Variants in ULK4 observed in about 807,000 individuals in gnomAD.
ULK4 encodes the protein inactive serine/threonine-protein kinase ULK4.
In ULK4, 133 loss-of-function variants were observed where a neutral mutation model predicts 160.6. The observed-to-expected ratio is 0.83, with a 90% confidence interval of 0.72 to 0.96. The LOEUF (loss-of-function observed/expected upper bound fraction) is 0.96, where lower values mean the gene tolerates loss of function less well. Ranked by LOEUF, ULK4 falls within the 40% of genes least tolerant of loss-of-function variation. The pLI, the probability that ULK4 is intolerant of heterozygous loss-of-function variation, is 0.00. For synonymous variants in ULK4, 534 were observed against 539.8 expected (o/e 0.99, Z 0.15); for missense variants, 1,580 against 1,499.5 (o/e 1.05, Z -0.89).
chr3:41,278,739 A>C (rs914323267), intron 35 of ULK4, among the ~76,000 whole-genome samples: 24 of 152,192 alleles, frequency 1.6e-4, no homozygotes, highest in South Asian at 4.1e-4. Context: ...AAACAGAAAA[A>C]AATAGCATCA....
chr3:41,911,308 T>G lies in ULK4; in HGVS notation c.1085+9A>C. 1 of 1,613,022 alleles carries G rather than the reference T, an allele frequency of 6.2e-7. No homozygotes were observed. The highest frequency in any genetic ancestry group is 8.5e-7 in the Non-Finnish European group (1 of 1,179,722). ...CTTGCACTGATCCCTCTTTTTTCATTTTACCTACCTGAGAAGAAACATGGA... is the reference window on the plus strand; with the variant it reads ...CTTGCACTGATCCCTCTTTTTTCATGTTACCTACCTGAGAAGAAACATGGA... On this transcript the variant is annotated intron_variant, in intron 11 of 36. Coordinates refer to ENST00000301831, the MANE Select transcript of ULK4 (RefSeq NM_017886.4).
chr3:41,534,796 A>G (rs2086440719), intron 32 of ULK4, among the ~76,000 whole-genome samples: 2 of 152,176 alleles, frequency 1.3e-5, no homozygotes, highest in Admixed American at 6.5e-5. Flanking sequence ...CTTACACTCA[A>G]TGCAAGTGCT....
At chr3:41,265,350 G>C (rs1336001731) in intron 35 of ULK4, among the ~76,000 whole-genome samples, 2 of 152,366 alleles carry the variant, frequency 1.3e-5, no homozygotes, top group African/African-American at 4.8e-5. Context: ...GCCAGGCGGA[G>C]TGCAGCTGGG....
intron 17 of ULK4, among the ~76,000 whole-genome samples, chr3:41,856,515 ATATATATATATATATATG>A (rs2042340443): frequency 3.8e-5 from 4 of 106,168 alleles, no homozygotes; most frequent in Non-Finnish European, 6.5e-5. Flanking sequence ...ATAAATAAAT[ATATATATATATATATATG>A]TATGTATATA....
chr3:41,464,198 T>C (rs1472866668), intron 32 of ULK4, among the ~76,000 whole-genome samples: 1 of 152,174 alleles, frequency 6.6e-6, no homozygotes, highest in Admixed American at 6.6e-5. Context: ...TGGCACCTCT[T>C]CTATACAGTG....
rs550588607 is a variant in ULK4 at position 41,406,355 on chromosome 3, G to A, written c.3493-8091C>T. ...TCTGTTTCTCTAACAGTACCATGCT[G>A]TTTTGGTTACTGTAATGTTATAGTA... On this transcript the variant is annotated intron_variant, in intron 34 of 36. Transcript: ENST00000301831. 4.6e-5 allele frequency among the ~76,000 whole-genome samples: 7 copies of A among 152,318 alleles called. No homozygotes were observed. The South Asian group carries it at 1.4e-3, about 32-fold the overall frequency.
At chr3:41,817,568 A>G (rs2041012722) in intron 19 of ULK4, among the ~76,000 whole-genome samples, 1 of 152,160 alleles carries the variant, frequency 6.6e-6, no homozygotes, top group Non-Finnish European at 1.5e-5. Context: ...GAGAACTAAC[A>G]TTGGGTACAC....
chr3:41,285,506 T>C (rs773766293), intron 35 of ULK4, among the ~76,000 whole-genome samples: 1 of 152,114 alleles, frequency 6.6e-6, no homozygotes, highest in Non-Finnish European at 1.5e-5. Flanking sequence ...AACCAAACAT[T>C]GTATATTCTC....
At chr3:41,782,474 A>T (rs1158891218) in intron 21 of ULK4, among the ~76,000 whole-genome samples, 1 of 152,188 alleles carries the variant, frequency 6.6e-6, no homozygotes, top group African/African-American at 2.4e-5. Flanking sequence ...AAAGACGGAG[A>T]TGATTAAAAA....
At chr3:41,922,492 A>C (rs540110711) in intron 5 of ULK4, among the ~76,000 whole-genome samples, 1 of 152,196 alleles carries the variant, frequency 6.6e-6, no homozygotes, top group African/African-American at 2.4e-5. Flanking sequence ...TATGGAAGGA[A>C]AGAGAAAGAA....
Position 41,681,393 on chromosome 3 carries a change from T to C in ULK4, c.2978+115A>G, listed in dbSNP as rs996445623. ...TTTTTTTATAATGAGTACACAAGCA[T>C]ATGTGTATAAACATAAGGACATCAA... is the stretch of plus-strand genomic sequence containing the variant. On this transcript the variant is annotated intron_variant, in intron 29 of 36. Transcript: ENST00000301831. The C allele has an allele frequency of 5.8e-6, 8 of 1,382,314 alleles. No individual in the cohort carries two copies. The African/African-American group carries it at 1.0e-4, about 18-fold the overall frequency. The allele number at this position is 1,382,314 out of a possible 1,614,324, so 85.6% of individuals were successfully genotyped here. A position where few individuals can be genotyped will look rare whatever the true frequency, so the allele number is the denominator to read the frequency against.
intron 35 of ULK4, among the ~76,000 whole-genome samples, chr3:41,336,327 TATAAGGAAACGTATCTGAAA>T (rs2080554486): frequency 6.6e-6 from 1 of 152,168 alleles, no homozygotes; most frequent in Admixed American, 6.5e-5. Context: ...GTTTAAAGCT[TATAAGGAAACGTATCTGAAA>T]ATGATGGAGG....
chr3:41,912,054 A>G (rs980764607), intron 9 of ULK4, among the ~76,000 whole-genome samples: 10 of 151,692 alleles, frequency 6.6e-5, no homozygotes, highest in Admixed American at 1.3e-4. Flanking sequence ...CAGACCAGGC[A>G]TGGTGGCTCA....
At chr3:41,865,137 T>C (rs993871757) in intron 17 of ULK4, among the ~76,000 whole-genome samples, 1 of 151,848 alleles carries the variant, frequency 6.6e-6, no homozygotes, top group Non-Finnish European at 1.5e-5. Flanking sequence ...CCAGATGTGG[T>C]GGCACATTCC....
rs1343443835 is a variant in ULK4 at position 41,706,576 on chromosome 3, C to T, written c.2635-1271G>A. 2.0e-5 allele frequency among the ~76,000 whole-genome samples: 3 copies of T among 150,800 alleles called. No homozygotes were observed. The East Asian group carries it at 5.8e-4, about 29-fold the overall frequency. On this transcript the variant is annotated intron_variant, in intron 25 of 36. Coordinates refer to ENST00000301831, the MANE Select transcript of ULK4 (RefSeq NM_017886.4). ...AGCGCAGTGGCTCACACCTGTAATC[C>T]CAGCACTTTGGGAGGCCAAGGCGGG...
chr3:41,326,143 G>T (rs541530156), intron 35 of ULK4, among the ~76,000 whole-genome samples: 42 of 152,066 alleles, frequency 2.8e-4, no homozygotes, highest in African/African-American at 5.1e-4. Flanking sequence ...GGCAGGGGGG[G>T]GCTCCCCAAG....
At position 41,793,789 on chromosome 3, in the gene ULK4, T is replaced by C. The variant is rs117232890; in HGVS notation, c.2011-3946A>G. Among the ~76,000 whole-genome samples, 29 of 152,312 alleles carry C rather than the reference T, an allele frequency of 1.9e-4. No individual in the cohort carries two copies. The East Asian group carries it at 5.2e-3, about 27-fold the overall frequency. On this transcript the variant is annotated intron_variant, in intron 20 of 36. Coordinates refer to ENST00000301831, the MANE Select transcript of ULK4 (RefSeq NM_017886.4). ...AGATTTTCCCTATAATCCCAATAAG[T>C]CTAAGAATCACTTTTATCTATTCAA...
chr3:41,708,770 T>C (rs2036991517), intron 25 of ULK4, among the ~76,000 whole-genome samples: 1 of 152,190 alleles, frequency 6.6e-6, no homozygotes, highest in South Asian at 2.1e-4. Context: ...ATATGTGAAG[T>C]AACAGATATG....
chr3:41,943,167 C>G (rs1700011615), intron 2 of ULK4, among the ~76,000 whole-genome samples: 2 of 147,830 alleles, frequency 1.4e-5, no homozygotes, highest in Admixed American at 1.4e-4. Flanking sequence ...GAGCCAAGAT[C>G]GTGCCACCGC....
Sources: gnomAD v4.1 joint callset for allele counts (sites outside exome capture counted in the v4.1 genomes callset) on GRCh38, gnomAD v4.1.1 for gene constraint, MANE v1.5 for transcripts, NCBI Gene and HGNC (gene_info 2026-07-23, HGNC 2026-07-21) for gene names.